Variants in CAMK2G observed in about 807,000 individuals in gnomAD.
CAMK2G encodes calcium/calmodulin-dependent protein kinase type II subunit gamma.
A neutral mutation model predicts 88.7 loss-of-function variants in CAMK2G; 23 were observed. The ratio of observed to expected loss-of-function variants is 0.26; its 90% CI spans 0.19 to 0.37. The LOEUF (loss-of-function observed/expected upper bound fraction) is 0.37, where lower values mean the gene tolerates loss of function less well. Ranked by LOEUF, CAMK2G falls within the 10% of genes least tolerant of loss-of-function variation. The pLI is 1.00. For missense variants in CAMK2G, 476 were observed against 780.8 expected (o/e 0.61, Z 4.65); for synonymous variants, 263 against 294.8 (o/e 0.89, Z 1.11).
intron 15 of CAMK2G, among the ~76,000 whole-genome samples, chr10:73,825,614 T>C (rs140181243): frequency 7.9e-4 from 120 of 152,330 alleles, no homozygotes; most frequent in Middle Eastern, 6.8e-3. Context: ...TCTCTGCTTA[T>C]GCCAGGTGCC....
At chr10:73,852,781 A>G (rs2094725867) in intron 4 of CAMK2G, 1 of 245,372 alleles carries the variant, frequency 4.1e-6, no homozygotes, top group Non-Finnish European at 7.9e-6. Context: ...TTAAGACATT[A>G]AACCACAACC....
At chr10:73,820,335 C>T (rs2087510098) in intron 18 of CAMK2G, among the ~76,000 whole-genome samples, 1 of 151,546 alleles carries the variant, frequency 6.6e-6, no homozygotes, top group African/African-American at 2.4e-5. Context: ...CCTTACGGGC[C>T]CACCAGGACA....
At chr10:73,860,569 G>T (rs746957921) in intron 3 of CAMK2G, among the ~76,000 whole-genome samples, 4 of 152,174 alleles carry the variant, frequency 2.6e-5, no homozygotes, top group Non-Finnish European at 5.9e-5. Context: ...GACAGAAGGA[G>T]AAAGGGAAGA....
chr10:73,832,071 A>C lies in CAMK2G; in HGVS notation c.1054-3950T>G, dbSNP rs118127372. On this transcript the variant is annotated intron_variant, in intron 14 of 22. Coordinates refer to ENST00000423381, the MANE Select transcript of CAMK2G (RefSeq NM_001367534.1). ...CTGGTATTATGCTTTACTTTAAAAAAAAAATAGTATTTAAAAAAAATTCTG... is the reference window on the plus strand; with the variant it reads ...CTGGTATTATGCTTTACTTTAAAAACAAAATAGTATTTAAAAAAAATTCTG... Among the ~76,000 whole-genome samples, 634 of 152,156 alleles carry C rather than the reference A, an allele frequency of 4.2e-3. 16 individuals carry two copies. In the East Asian group the frequency reaches 0.048, roughly 12 times the overall value.
At chr10:73,841,599 A>T (rs1396667569) in intron 12 of CAMK2G, among the ~76,000 whole-genome samples, 1 of 152,200 alleles carries the variant, frequency 6.6e-6, no homozygotes, top group Non-Finnish European at 1.5e-5. Context: ...AAATTTAAGC[A>T]AGTTCCTTTC....
chr10:73,827,492 TTAATGGATGGTTTCA>T (rs1279767401), intron 15 of CAMK2G, among the ~76,000 whole-genome samples: 1 of 152,166 alleles, frequency 6.6e-6, no homozygotes, highest in Non-Finnish European at 1.5e-5. Context: ...ACCTCTGGTT[TTAATGGATGGTTTCA>T]TAATGACTCA....
At chr10:73,856,976 C>T (rs578196022) in intron 3 of CAMK2G, among the ~76,000 whole-genome samples, 1 of 152,294 alleles carries the variant, frequency 6.6e-6, no homozygotes, top group South Asian at 2.1e-4. Flanking sequence ...TTAAAAATAT[C>T]TGCAGCAATA....
At chr10:73,849,863 G>A (rs2094498395) in intron 5 of CAMK2G, among the ~76,000 whole-genome samples, 1 of 152,130 alleles carries the variant, frequency 6.6e-6, no homozygotes, top group African/African-American at 2.4e-5. Flanking sequence ...GCTGCCCTGA[G>A]GTCTGGCATC....
At chr10:73,856,194 G>A (rs2095024645) in intron 3 of CAMK2G, among the ~76,000 whole-genome samples, 1 of 152,094 alleles carries the variant, frequency 6.6e-6, no homozygotes, top group Non-Finnish European at 1.5e-5. Flanking sequence ...AGCTCTGCAG[G>A]GTAGCTACTT....
rs1486614901 is a variant in CAMK2G at position 73,848,655 on chromosome 10, C to T, written c.518-46G>A. The T allele has an allele frequency of 1.8e-6, 2 of 1,095,942 alleles. No individual in the cohort carries two copies. The highest frequency in any genetic ancestry group is 3.1e-5 in the African/African-American group (2 of 64,108). The allele number at this position is 1,095,942 out of a possible 1,614,324, so 67.9% of individuals were successfully genotyped here. A position where few individuals can be genotyped will look rare whatever the true frequency, so the allele number is the denominator to read the frequency against. On this transcript the variant is annotated intron_variant, in intron 7 of 22. Transcript: ENST00000423381. This position sits in a 1 kb window ranked among gnomAD's most constrained non-coding sequence, Gnocchi z 4.5. The stretch of plus-strand genomic sequence containing the variant: ...GAGGCATACTGAACCCACTTTCTCT[C>T]TCGTTAAATCCACACCAGCCATTTC...
intron 2 of CAMK2G, among the ~76,000 whole-genome samples, chr10:73,866,351 G>A (rs1200331189): frequency 6.6e-6 from 1 of 152,156 alleles, no homozygotes; most frequent in Admixed American, 6.5e-5. Context: ...GAAGACAGAA[G>A]CCTACTCCAA....
intron 2 of CAMK2G, among the ~76,000 whole-genome samples, chr10:73,864,644 T>C (rs528828676): frequency 6.6e-6 from 1 of 152,022 alleles, no homozygotes; most frequent in Non-Finnish European, 1.5e-5. Flanking sequence ...TTTTGTTTGT[T>C]TTTTTTGCTT....
chr10:73,864,940 G>A (rs990351768), intron 2 of CAMK2G, among the ~76,000 whole-genome samples: 6 of 152,182 alleles, frequency 3.9e-5, no homozygotes, highest in South Asian at 2.1e-4. Context: ...CACGGCACCC[G>A]GCCAAGAGGT....
chr10:73,836,328 C>T (rs1210718743), intron 14 of CAMK2G, among the ~76,000 whole-genome samples: 1 of 152,172 alleles, frequency 6.6e-6, no homozygotes. Context: ...AAGCCACACC[C>T]CCTCTTACAC....
In CAMK2G at chr10:73,848,935, A is replaced by T; in HGVS notation, c.517+78T>A. On this transcript the variant is annotated intron_variant, in intron 7 of 22. Transcript: ENST00000423381. This position sits in a 1 kb window ranked among gnomAD's most constrained non-coding sequence, Gnocchi z 4.5. ...CAGGACCATTAAGGGTCTGGCTTCT[A>T]GTTCTAATAGAGGAAGGCAGATCAG... 1 of 931,336 alleles carries T rather than the reference A, an allele frequency of 1.1e-6. No individual in the cohort carries two copies. Among genetic ancestry groups the T allele is most frequent in the Non-Finnish European group, 1.8e-6 (1 of 558,138 alleles). 57.7% of individuals were successfully genotyped at this position (931,336 alleles called of 1,614,324 possible).
chr10:73,872,737 G>A (rs748934870), intron 2 of CAMK2G, among the ~76,000 whole-genome samples: 2 of 152,110 alleles, frequency 1.3e-5, no homozygotes, highest in Non-Finnish European at 2.9e-5. Context: ...CCTGAAGACC[G>A]AACTCCCTTG....
In CAMK2G at chr10:73,848,131, G is replaced by A; in HGVS notation, c.602-49C>T. 1.7e-6 allele frequency: 2 copies of A among 1,154,876 alleles called. No homozygotes were observed. The highest frequency in any genetic ancestry group is 2.6e-6 in the Non-Finnish European group (2 of 763,664). 71.5% of individuals were successfully genotyped at this position (1,154,876 alleles called of 1,614,324 possible). A position where few individuals can be genotyped will look rare whatever the true frequency, so the allele number is the denominator to read the frequency against. ...ATGGGGGTCAGTCGCCTACTTCCCT[G>A]AGGAACCAAGAAAAACCATGCAGGG... On this transcript the variant is annotated intron_variant, in intron 8 of 22. Coordinates refer to ENST00000423381, the MANE Select transcript of CAMK2G (RefSeq NM_001367534.1). The surrounding 1 kb of genome is among the most constrained non-coding windows in gnomAD (Gnocchi z 4.5).
At chr10:73,860,912 A>G (rs2095342542) in intron 2 of CAMK2G, 23 bp from the exon 3 acceptor site, 4 of 1,585,524 alleles carry the variant, frequency 2.5e-6, no homozygotes, top group Non-Finnish European at 3.5e-6. Context: ...GAGAAAAAAC[A>G]AAAGCCATCA....
chr10:73,827,458 C>T (rs1425584272), intron 15 of CAMK2G, among the ~76,000 whole-genome samples: 1 of 152,172 alleles, frequency 6.6e-6, no homozygotes, highest in Admixed American at 6.5e-5. Context: ...GGATTACAGG[C>T]GTGAGCCATC....
Sources: gnomAD v4.1 joint callset for allele counts (sites outside exome capture counted in the v4.1 genomes callset) on GRCh38, gnomAD v4.1.1 for gene constraint, Gnocchi (gnomAD v3.1) non-coding constraint, MANE v1.5 for transcripts, NCBI Gene and HGNC (gene_info 2026-07-23, HGNC 2026-07-21) for gene names.